JMJD1C: variants seen among roughly 807,000 people sequenced by gnomAD.
The protein encoded by JMJD1C is jumonji domain containing 1C, also known as jumonji domain-containing protein 1C.
Under a neutral mutation model 245.3 loss-of-function variants are expected in JMJD1C, and 31 were observed. That is an observed-to-expected ratio of 0.13 (90% confidence interval 0.09 to 0.17). JMJD1C has a LOEUF of 0.17. Ranked by LOEUF, JMJD1C falls within the 10% of genes least tolerant of loss-of-function variation. The probability of loss-of-function intolerance (pLI) is 1.00; values close to 1 mark genes in which losing one functional copy is unlikely to be tolerated. For missense variants in JMJD1C, 2,691 were observed against 3,000.2 expected (o/e 0.90, Z 2.41); for synonymous variants, 1,057 against 1,017.4 (o/e 1.04, Z -0.74).
chr10:63,202,373 T>C (rs1398623108), intron 10 of JMJD1C: 3 of 985,220 alleles, frequency 3.0e-6, no homozygotes, highest in Non-Finnish European at 3.6e-6. Flanking sequence ...TAGATTTACA[T>C]AGTTTGCTAT....
intron 1 of JMJD1C, chr10:63,465,106 C>G (rs891670087): frequency 4.1e-6 from 1 of 243,922 alleles, no homozygotes; most frequent in Non-Finnish European, 7.9e-6. Context: ...ACCAGGGAAG[C>G]TGGCCGCCTG....
intron 2 of JMJD1C, among the ~76,000 whole-genome samples, chr10:63,316,456 T>C (rs547454785): frequency 1.0e-3 from 152 of 152,320 alleles, no homozygotes; most frequent in African/African-American, 2.7e-3. Flanking sequence ...GTATATAATA[T>C]TCATACTTTC....
At chr10:63,337,571 A>G (rs1372788313) in intron 2 of JMJD1C, among the ~76,000 whole-genome samples, 14 of 58,572 alleles carry the variant, frequency 2.4e-4, no homozygotes, top group African/African-American at 1.6e-3. Context: ...AAGAAAAGAA[A>G]AGAAAAGAAA....
intron 1 of JMJD1C, among the ~76,000 whole-genome samples, chr10:63,411,521 A>G (rs1589696215): frequency 6.6e-6 from 1 of 150,994 alleles, no homozygotes. Flanking sequence ...CTGGTCTCGA[A>G]CTCCTGACCT....
chr10:63,177,924 G>C (rs570918515), intron 22 of JMJD1C, 68 bp from the exon 23 acceptor site: 5 of 1,528,318 alleles, frequency 3.3e-6, no homozygotes, highest in Admixed American at 1.8e-5. Flanking sequence ...TCCTAAAGTT[G>C]ATCTATCAGA....
At chr10:63,352,998 G>A (rs906537144) in intron 2 of JMJD1C, among the ~76,000 whole-genome samples, 10 of 152,144 alleles carry the variant, frequency 6.6e-5, no homozygotes, top group South Asian at 2.1e-4. Flanking sequence ...CAATCCTGAC[G>A]ACTGTATTCA....
chr10:63,479,821 G>GAGAACAGC (rs1564960957), intron 1 of JMJD1C, among the ~76,000 whole-genome samples: 7 of 152,116 alleles, frequency 4.6e-5, no homozygotes, highest in African/African-American at 1.7e-4. Context: ...GTCCCACTGA[G>GAGAACAGC]AGTGACACAG....
intron 2 of JMJD1C, among the ~76,000 whole-genome samples, chr10:63,304,510 T>C (rs1035855581): frequency 5.3e-5 from 8 of 152,234 alleles, no homozygotes; most frequent in African/African-American, 1.9e-4. Flanking sequence ...ACGTGGGATT[T>C]AATTAAACAT....
chr10:63,316,955 G>C (rs1438689823), intron 2 of JMJD1C, among the ~76,000 whole-genome samples: 4 of 152,086 alleles, frequency 2.6e-5, no homozygotes, highest in African/African-American at 9.7e-5. Context: ...CACCCCCTGG[G>C]TTAGAGCAAT....
At chr10:63,483,678 G>A (rs1458425143) in intron 1 of JMJD1C, among the ~76,000 whole-genome samples, 1 of 152,070 alleles carries the variant, frequency 6.6e-6, no homozygotes, top group Non-Finnish European at 1.5e-5. Context: ...TTCCCCAAAT[G>A]CATTTTAGTA....
At chr10:63,504,389 A>G (rs568220651) in intron 1 of JMJD1C, among the ~76,000 whole-genome samples, 109 of 152,272 alleles carry the variant, frequency 7.2e-4, no homozygotes, top group Middle Eastern at 3.4e-3. Flanking sequence ...TTGGGTAATA[A>G]ATGAAGGAGT....
At chr10:63,492,234 C>T (rs1275343324) in intron 1 of JMJD1C, among the ~76,000 whole-genome samples, 1 of 152,132 alleles carries the variant, frequency 6.6e-6, no homozygotes, top group Admixed American at 6.5e-5. Flanking sequence ...AGTGTTTCAC[C>T]ATGTTGCCCA....
At chr10:63,220,196 T>C (rs371942701) in intron 3 of JMJD1C, among the ~76,000 whole-genome samples, 1 of 152,246 alleles carries the variant, frequency 6.6e-6, no homozygotes, top group African/African-American at 2.4e-5. Flanking sequence ...TTGACAACAA[T>C]GTCCTAAAGT....
chr10:63,206,434 G>A (rs991753601), intron 10 of JMJD1C, among the ~76,000 whole-genome samples, 161 bp downstream of exon 10: 4 of 152,196 alleles, frequency 2.6e-5, no homozygotes, highest in Admixed American at 6.5e-5. Context: ...GTACTTACTT[G>A]TGAAATGTAG....
rs572801730 is a variant in JMJD1C, at chr10:63,510,778, T to C, written n.113+10960A>G. 4.9e-4 allele frequency among the ~76,000 whole-genome samples: 75 copies of C among 152,364 alleles called. 1 individual carries two copies. The highest frequency in any genetic ancestry group is 2.4e-3 in the Admixed American group (37 of 15,306). ...GTCTACTGGAGTTGTCAATTTCTGA[T>C]ACAGGAGTGTTAAAGTGTCCAATTA... On this transcript the variant is annotated intron_variant and non_coding_transcript_variant, in intron 1 of 3. Coordinates refer to the JMJD1C transcript ENST00000633035.
intron 1 of JMJD1C, among the ~76,000 whole-genome samples, chr10:63,433,647 G>A (rs1398195203): frequency 6.8e-6 from 1 of 146,772 alleles, no homozygotes; most frequent in Non-Finnish European, 1.5e-5. Flanking sequence ...GTGCAAGGGT[G>A]AGATCATGGC....
chr10:63,258,042 G>C (rs1279602541), intron 3 of JMJD1C, among the ~76,000 whole-genome samples: 1 of 152,074 alleles, frequency 6.6e-6, no homozygotes, highest in East Asian at 1.9e-4. Flanking sequence ...GAAGAGAAAG[G>C]AGTTTCAAAT....
chr10:63,212,584 A>G (rs1847493559), intron 8 of JMJD1C, among the ~76,000 whole-genome samples: 2 of 152,154 alleles, frequency 1.3e-5, no homozygotes, highest in Admixed American at 1.3e-4. Context: ...AGGCAGACAA[A>G]ATCTCAGCTG....
intron 1 of JMJD1C, among the ~76,000 whole-genome samples, chr10:63,416,883 A>T (rs1026476085): frequency 3.0e-4 from 46 of 152,200 alleles, no homozygotes; most frequent in Non-Finnish European, 1.5e-4. Flanking sequence ...TTTCAATTTC[A>T]CACTGCAAAA....
Sources: gnomAD v4.1 joint callset for allele counts (sites outside exome capture counted in the v4.1 genomes callset) on GRCh38, gnomAD v4.1.1 for gene constraint, MANE v1.5 for transcripts, NCBI Gene and HGNC (gene_info 2026-07-23, HGNC 2026-07-21) for gene names.